SCN4A: variants seen among roughly 807,000 people sequenced by gnomAD.
SCN4A encodes sodium voltage-gated channel alpha subunit 4, also known as sodium channel protein type 4 subunit alpha.
A neutral mutation model predicts 162.0 loss-of-function variants in SCN4A; 83 were observed. The observed-to-expected ratio is 0.51, with a 90% CI of 0.43 to 0.61. The LOEUF is 0.61. Ranked by LOEUF, SCN4A falls within the 20% of genes least tolerant of loss-of-function variation. SCN4A has a pLI of 0.00. For missense variants in SCN4A, 2,196 were observed against 2,462.5 expected (o/e 0.89, Z 2.29); for synonymous variants, 944 against 985.1 (o/e 0.96, Z 0.78).
chr17:63,953,544 G>T (rs1426081340), intron 13 of SCN4A, among the ~76,000 whole-genome samples: 3 of 151,418 alleles, frequency 2.0e-5, no homozygotes, highest in Non-Finnish European at 4.4e-5. Flanking sequence ...TTAGCTGGGC[G>T]TGGTGGTGCA....
intron 11 of SCN4A, among the ~76,000 whole-genome samples, chr17:63,960,699 A>C (rs1683366512): frequency 6.6e-6 from 1 of 152,118 alleles, no homozygotes; most frequent in Non-Finnish European, 1.5e-5. Flanking sequence ...AGAGAGGAGA[A>C]GCCTGGCCAC....
At chr17:63,964,765 A>G in intron 8 of SCN4A, 88 bp from the exon 9 acceptor site, 2 of 1,032,798 alleles carry the variant, frequency 1.9e-6, no homozygotes, top group Non-Finnish European at 2.9e-6. Context: ...CATTGCCCGC[A>G]TGGGTAAGCA....
Position 63,966,439 on chromosome 17 carries a change from G to A in SCN4A, c.1100+42C>T, listed in dbSNP as rs374419108. On this transcript the variant is annotated intron_variant, in intron 7 of 23. Transcript: ENST00000435607. ...TCTCTAATCAGCTCCCACCTTCCAAGACCCCTGGGGTGCCTTTTCTGCATC... is the reference window on the plus strand; with the variant it reads ...TCTCTAATCAGCTCCCACCTTCCAAAACCCCTGGGGTGCCTTTTCTGCATC... The A allele has an allele frequency of 1.9e-6, 3 of 1,580,372 alleles. No individual in the cohort carries two copies. In the African/African-American group the frequency reaches 4.0e-5, roughly 21 times the overall value.
At chr17:63,967,962 C>T (rs936525913) in intron 6 of SCN4A, 61 bp downstream of exon 6, 113 of 1,316,580 alleles carry the variant, frequency 8.6e-5, no homozygotes, top group Non-Finnish European at 1.0e-4. Context: ...AATGTGGAGT[C>T]AGAGGCTACC....
intron 15 of SCN4A, among the ~76,000 whole-genome samples, chr17:63,949,125 G>T (rs992684965): frequency 2.6e-5 from 4 of 152,334 alleles, no homozygotes; most frequent in African/African-American, 2.4e-5. Context: ...TGTCCTGAAG[G>T]CCTTGCTCCC....
Position 63,939,387 on chromosome 17 carries a change from T to TAC in SCN4A, c.*1382_*1383dup, listed in dbSNP as rs1908448214. The TAC allele has an allele frequency of 6.6e-6, 1 of 152,280 alleles. No individual in the cohort carries two copies. The highest frequency in any genetic ancestry group is 1.5e-5 in the Non-Finnish European group (1 of 68,180). 9.4% of individuals were successfully genotyped at this position (152,280 alleles called of 1,614,324 possible). On this transcript the variant is annotated 3_prime_UTR_variant, in exon 24 of 24. Coordinates refer to ENST00000435607, the MANE Select transcript of SCN4A (RefSeq NM_000334.4). ...CAGGGCACACATATATACACATATA[T>TAC]ACAAAGATACCCAGACACGTGCATA...
At chr17:63,970,077 C>T (rs1207403444) in intron 5 of SCN4A, among the ~76,000 whole-genome samples, 1 of 152,066 alleles carries the variant, frequency 6.6e-6, no homozygotes, top group East Asian at 1.9e-4. Context: ...TCTGAATGTT[C>T]GGATTCTATT....
In SCN4A at chr17:63,940,781, GA is replaced by G; in HGVS notation, c.5500del (p.Ser1834LeufsTer29). 6.4e-7 allele frequency: 1 copy of G among 1,570,852 alleles called. No homozygotes were observed. The highest frequency in any genetic ancestry group is 8.6e-7 in the Non-Finnish European group (1 of 1,156,404). ...CCCCGATGCTGCCTGCTAGACAAGA[GA>G]CTCCTTGACACCTGGGCGCACAGTC... ...GQTVRPGVKESLV is the reference protein window; with the variant it reads ...GQTVRPGVKEXLV On this transcript the variant is annotated frameshift_variant, in exon 24 of 24. Transcript: ENST00000435607. LOFTEE classifies it high-confidence loss of function.
In SCN4A at chr17:63,945,000, G is replaced by A. The variant is rs199659791; in HGVS notation, c.3774+7C>T. ...TCACCAGCCACATCTCAGCGACCCC[G>A]ACTCACCTCCCGGGAGTCCACGGCT... On this transcript the variant is annotated splice_region_variant and intron_variant, in intron 20 of 23. Transcript: ENST00000435607. This position sits in a 1 kb window ranked among gnomAD's most constrained non-coding sequence, Gnocchi z 4.3. The A allele has an allele frequency of 3.0e-4, 489 of 1,613,486 alleles. 1 individual carries two copies. The African/African-American group carries it at 5.1e-3, about 17-fold the overall frequency.
At chr17:63,949,367 C>T in intron 15 of SCN4A, 26 bp downstream of exon 15, 1 of 1,552,512 alleles carries the variant, frequency 6.4e-7, no homozygotes, top group South Asian at 1.2e-5. Flanking sequence ...GGGGAGACAC[C>T]CAGATGAGGT....
chr17:63,956,644 C>T (rs1909079092), intron 13 of SCN4A, among the ~76,000 whole-genome samples: 1 of 152,244 alleles, frequency 6.6e-6, no homozygotes, highest in Non-Finnish European at 1.5e-5. Context: ...TTTGTACACA[C>T]TATGGCATCA....
chr17:63,961,466 A>G (rs1257876046), intron 10 of SCN4A, 35 bp from the exon 11 acceptor site: 12 of 1,489,698 alleles, frequency 8.1e-6, no homozygotes, highest in Non-Finnish European at 3.7e-6. Flanking sequence ...TCTGGTGAGG[A>G]TTATCCCCTC....
At chr17:63,969,106 A>G (rs1909542124) in intron 5 of SCN4A, among the ~76,000 whole-genome samples, 1 of 152,152 alleles carries the variant, frequency 6.6e-6, no homozygotes, top group Non-Finnish European at 1.5e-5. Flanking sequence ...GCCTCCCAAA[A>G]TGCTGGGATT....
intron 18 of SCN4A, among the ~76,000 whole-genome samples, chr17:63,946,520 C>T (rs374689672): frequency 7.1e-6 from 1 of 140,278 alleles, no homozygotes; most frequent in Admixed American, 7.5e-5. Context: ...CTCTCCAGGG[C>T]CTGAGTGGAT....
intron 11 of SCN4A, 45 bp from the exon 12 acceptor site, chr17:63,959,483 AG>A: frequency 6.3e-7 from 1 of 1,583,668 alleles, no homozygotes; most frequent in Non-Finnish European, 8.6e-7. Context: ...CGGGGAGCCC[AG>A]GGCCCTGGAA....
chr17:63,969,212 C>G (rs1389927485), intron 5 of SCN4A, among the ~76,000 whole-genome samples: 5 of 152,186 alleles, frequency 3.3e-5, no homozygotes, highest in African/African-American at 1.2e-4. Context: ...CCTTAAAATG[C>G]CTAGTAGCAC....
At chr17:63,964,031 G>T (rs1274024082) in intron 9 of SCN4A, among the ~76,000 whole-genome samples, 1 of 152,138 alleles carries the variant, frequency 6.6e-6, no homozygotes, top group African/African-American at 2.4e-5. Flanking sequence ...AAGACCCTCT[G>T]CCCTGAAGAC....
chr17:63,957,805 A>C (rs192568440), intron 12 of SCN4A, among the ~76,000 whole-genome samples: 18 of 152,166 alleles, frequency 1.2e-4, no homozygotes, highest in South Asian at 4.2e-4. Context: ...GGAGCTGGAA[A>C]CCAGCTTGGC....
chr17:63,964,482 C>T lies in SCN4A; in HGVS notation c.1438G>A (p.Glu480Lys). 6.2e-7 allele frequency: 1 copy of T among 1,614,016 alleles called. No homozygotes were observed. ...QMLEKFKKHQ[E>K]ELEKAKAAQA... ...TGAGTCCAGACCTTCTCCAGCTCCT[C>T]CTGGTGCTTTTTGAACTTCTCAAGC... Residue 480 changes from glutamate to lysine, a missense_variant, in exon 9 of 24, where the codon GAG (glutamate) becomes AAG (lysine). Coordinates refer to ENST00000435607, the MANE Select transcript of SCN4A (RefSeq NM_000334.4).
Sources: gnomAD v4.1 joint callset for allele counts (sites outside exome capture counted in the v4.1 genomes callset) on GRCh38, gnomAD v4.1.1 for gene constraint, Gnocchi (gnomAD v3.1) non-coding constraint, MANE v1.5 for transcripts, NCBI Gene and HGNC (gene_info 2026-07-23, HGNC 2026-07-21) for gene names.